Variants in RNF220 observed in about 807,000 individuals in gnomAD.
RNF220 encodes ring finger protein 220.
A neutral mutation model predicts 67.1 loss-of-function variants in RNF220; 7 were observed. The ratio of observed to expected loss-of-function variants is 0.10; its 90% CI spans 0.06 to 0.20. The LOEUF (loss-of-function observed/expected upper bound fraction) is 0.20. RNF220 is among the 10% of genes least tolerant of loss of function. RNF220 has a pLI of 1.00. For missense variants in RNF220, 565 were observed against 740.3 expected (o/e 0.76, Z 2.75); for synonymous variants, 270 against 283.2 (o/e 0.95, Z 0.47).
Position 44,412,542 on chromosome 1 carries a change from G to A in RNF220, c.445G>A (p.Glu149Lys), listed in dbSNP as rs749445413. ...GCGACTTAAGAACTGCCATGACACA[G>A]AGTCTCCCCACTTGCGCTTCTCAGA... ...AKRLKNCHDTESPHLRFSDAD... is the reference protein window; with the variant it reads ...AKRLKNCHDTKSPHLRFSDAD... The change falls in exon 2 of 15, where the codon GAG becomes AAG. Residue 149 changes from glutamate (E) to lysine (K), a missense_variant. Coordinates refer to ENST00000361799, the MANE Select transcript of RNF220 (RefSeq NM_018150.4). This position sits in a 1 kb window ranked among gnomAD's most constrained non-coding sequence, Gnocchi z 5.3. 2 of 1,614,150 alleles carry A rather than the reference G, an allele frequency of 1.2e-6. No homozygotes were observed. The highest frequency in any genetic ancestry group is 1.7e-6 in the Non-Finnish European group (2 of 1,180,030).
intron 2 of RNF220, among the ~76,000 whole-genome samples, chr1:44,445,374 G>A (rs145396045): frequency 3.9e-5 from 6 of 152,108 alleles, no homozygotes; most frequent in African/African-American, 1.2e-4. Context: ...AAACCCTGTT[G>A]TTGTAATTCC....
At chr1:44,586,655 G>A (rs992459374) in intron 2 of RNF220, among the ~76,000 whole-genome samples, 4 of 152,220 alleles carry the variant, frequency 2.6e-5, no homozygotes, top group Admixed American at 2.6e-4. Flanking sequence ...AAGCGGCAAG[G>A]TCCAGGGAAG....
intron 2 of RNF220, among the ~76,000 whole-genome samples, chr1:44,468,053 C>T (rs1230399153): frequency 1.3e-5 from 2 of 151,846 alleles, no homozygotes; most frequent in Non-Finnish European, 2.9e-5. Context: ...TGGTTCATGG[C>T]ACGCCAGATC....
chr1:44,589,234 T>G (rs995756710), intron 2 of RNF220, among the ~76,000 whole-genome samples: 5 of 152,182 alleles, frequency 3.3e-5, no homozygotes, highest in Admixed American at 2.6e-4. Flanking sequence ...ATCCCAACCC[T>G]CCATTTCCCA....
chr1:44,587,538 C>A (rs902217545), intron 2 of RNF220, among the ~76,000 whole-genome samples: 8 of 152,128 alleles, frequency 5.3e-5, no homozygotes, highest in South Asian at 2.1e-4. Flanking sequence ...ATTCCCGCCC[C>A]CTCTGTGCTG....
intron 2 of RNF220, among the ~76,000 whole-genome samples, chr1:44,497,261 C>G (rs1046414985): frequency 6.6e-6 from 1 of 152,030 alleles, no homozygotes; most frequent in Non-Finnish European, 1.5e-5. Flanking sequence ...TGTGCCTACC[C>G]TACCCACAGT....
intron 2 of RNF220, among the ~76,000 whole-genome samples, chr1:44,460,132 C>T (rs1422720162): frequency 1.3e-5 from 2 of 152,192 alleles, no homozygotes; most frequent in Non-Finnish European, 2.9e-5. Flanking sequence ...GAACACCCAC[C>T]TCATCGTTCC....
chr1:44,612,384 C>T (rs1265078778), intron 2 of RNF220, among the ~76,000 whole-genome samples: 1 of 152,214 alleles, frequency 6.6e-6, no homozygotes, highest in Non-Finnish European at 1.5e-5. Flanking sequence ...TTCATTAACT[C>T]GTTCAATTGC....
Position 44,444,737 on chromosome 1 carries a change from G to A in RNF220, c.625+32015G>A, listed in dbSNP as rs115602146. On this transcript the variant is annotated intron_variant, in intron 2 of 14. Coordinates refer to ENST00000361799, the MANE Select transcript of RNF220 (RefSeq NM_018150.4). The stretch of plus-strand genomic sequence containing the variant: ...ATTACAGGAGTGGGCCACCATGCCC[G>A]GCCTACCTTGATTTCTATATCCATT... 4.6e-3 allele frequency among the ~76,000 whole-genome samples: 706 copies of A among 152,204 alleles called. 2 individuals are homozygous for A. Among genetic ancestry groups the A allele is most frequent in the Middle Eastern group, 0.01 (3 of 294 alleles).
At chr1:44,620,070 C>T (rs1274830137) in intron 3 of RNF220, among the ~76,000 whole-genome samples, 1 of 152,192 alleles carries the variant, frequency 6.6e-6, no homozygotes, top group Non-Finnish European at 1.5e-5. Context: ...TTCCCCTCCC[C>T]AAAGTCACAC....
At chr1:44,636,547 C>A in intron 8 of RNF220, 1 of 680,100 alleles carries the variant, frequency 1.5e-6, no homozygotes, top group Non-Finnish European at 2.8e-6. Flanking sequence ...TGCTGTACAC[C>A]TCCAGCACTG....
At chr1:44,515,742 G>A (rs1046468861) in intron 2 of RNF220, among the ~76,000 whole-genome samples, 1 of 152,146 alleles carries the variant, frequency 6.6e-6, no homozygotes, top group East Asian at 1.9e-4. Context: ...AGAGTTCTCC[G>A]AGCTCTGTAG....
chr1:44,447,134 A>C lies in RNF220; in HGVS notation c.625+34412A>C, dbSNP rs1012844971. 2.6e-5 allele frequency among the ~76,000 whole-genome samples: 4 copies of C among 152,354 alleles called. No individual in the cohort carries two copies. The East Asian group carries it at 5.8e-4, about 22-fold the overall frequency. On this transcript the variant is annotated intron_variant, in intron 2 of 14. Transcript: ENST00000361799. ...CAATACTTTAATTATTAGTGTTAAG[A>C]AATTACTATATTCCTGACAATTGAC...
chr1:44,549,631 C>A (rs1167798276), intron 2 of RNF220, among the ~76,000 whole-genome samples: 1 of 152,142 alleles, frequency 6.6e-6, no homozygotes, highest in Non-Finnish European at 1.5e-5. Context: ...TCTAGTGACC[C>A]CTTCCTCCCC....
intron 2 of RNF220, among the ~76,000 whole-genome samples, chr1:44,505,491 C>G (rs1468329548): frequency 1.3e-5 from 2 of 152,272 alleles, no homozygotes; most frequent in Non-Finnish European, 2.9e-5. Flanking sequence ...GCGTTAACCC[C>G]TGCGGCTGGC....
At chr1:44,463,347 AAAG>A (rs1468906530) in intron 2 of RNF220, among the ~76,000 whole-genome samples, 10,740 of 151,472 alleles carry the variant, frequency 0.071, 411 homozygotes, top group East Asian at 0.17. Context: ...AAAAAAAAAA[AAAG>A]AAAGAAAGAA....
intron 6 of RNF220, among the ~76,000 whole-genome samples, chr1:44,633,428 T>G (rs1261468306): frequency 6.6e-6 from 1 of 152,200 alleles, no homozygotes; most frequent in Non-Finnish European, 1.5e-5. Context: ...TTCTTCCTAC[T>G]CGTACGTAGC....
At chr1:44,518,782 G>A (rs1008965959) in intron 2 of RNF220, among the ~76,000 whole-genome samples, 10 of 152,012 alleles carry the variant, frequency 6.6e-5, no homozygotes, top group African/African-American at 2.4e-4. Flanking sequence ...GGCTGAGGCA[G>A]GAGAATGGCG....
At chr1:44,597,160 A>G (rs1228374742) in intron 2 of RNF220, among the ~76,000 whole-genome samples, 1 of 152,170 alleles carries the variant, frequency 6.6e-6, no homozygotes, top group African/African-American at 2.4e-5. Flanking sequence ...AAGTTATACC[A>G]CCAAGGTATC....
Sources: gnomAD v4.1 joint callset for allele counts (sites outside exome capture counted in the v4.1 genomes callset) on GRCh38, gnomAD v4.1.1 for gene constraint, Gnocchi (gnomAD v3.1) non-coding constraint, MANE v1.5 for transcripts, NCBI Gene and HGNC (gene_info 2026-07-23, HGNC 2026-07-21) for gene names.